ECPAS: variants seen among roughly 807,000 people sequenced by gnomAD.
The protein encoded by ECPAS is proteasome adapter and scaffold protein ECM29.
ECPAS carries 70 observed loss-of-function variants against 255.1 expected under a neutral mutation model. That is an observed-to-expected ratio of 0.27 (90% CI 0.23 to 0.33). The LOEUF (loss-of-function observed/expected upper bound fraction) is 0.33, where lower values mean the gene tolerates loss of function less well. Among genes scored for constraint, ECPAS ranks in the 10% least tolerant of loss-of-function variants. The pLI is 1.00. For synonymous variants in ECPAS, 784 were observed against 775.0 expected, an observed-to-expected ratio of 1.01 and a Z score of -0.19; for missense variants, 1,817 against 2,206.4, an observed-to-expected ratio of 0.82 and a Z score of 3.54.
chr9:111,404,162 AC>A lies in ECPAS; in HGVS notation c.2652+4408del, dbSNP rs1318986103. 1.3e-5 allele frequency among the ~76,000 whole-genome samples: 2 copies of A among 150,002 alleles called. 1 individual carries two copies. The highest frequency in any genetic ancestry group is 4.0e-4 in the East Asian group (2 of 4,998). On this transcript the variant is annotated intron_variant, in intron 24 of 49. Coordinates refer to ENST00000684092, the MANE Select transcript of ECPAS (RefSeq NM_001364929.1). ...ATAAAAGTACAAAGTACAGAAAAGT[AC>A]AAAGACTTCAAATAAACAACATAAT...
At chr9:111,367,561 C>G (rs1564493787) in intron 46 of ECPAS, among the ~76,000 whole-genome samples, 1 of 152,120 alleles carries the variant, frequency 6.6e-6, no homozygotes, top group East Asian at 1.9e-4. Context: ...TATTAGTGGA[C>G]TTCCATGGCA....
chr9:111,482,685 G>C (rs375933875), intron 1 of ECPAS, among the ~76,000 whole-genome samples: 12 of 152,110 alleles, frequency 7.9e-5, no homozygotes, highest in Non-Finnish European at 1.3e-4. Flanking sequence ...AAACCCTTGG[G>C]GGGGAGAACA....
chr9:111,410,372 G>C (rs2098192095), intron 22 of ECPAS, among the ~76,000 whole-genome samples, 159 bp from the exon 23 acceptor site: 1 of 152,052 alleles, frequency 6.6e-6, no homozygotes, highest in Non-Finnish European at 1.5e-5. Flanking sequence ...TCAGTGGAAA[G>C]ACAACATGGT....
At chr9:111,476,245 A>G (rs2098296122) in intron 1 of ECPAS, among the ~76,000 whole-genome samples, 1 of 152,172 alleles carries the variant, frequency 6.6e-6, no homozygotes, top group African/African-American at 2.4e-5. Context: ...GAAACCACTA[A>G]ACAGCTGACC....
chr9:111,455,612 G>C lies in ECPAS; in HGVS notation c.23-4057C>G, dbSNP rs747260259. On this transcript the variant is annotated intron_variant, in intron 2 of 49. Coordinates refer to ENST00000684092, the MANE Select transcript of ECPAS (RefSeq NM_001364929.1). ...CTGCTAAGAGTGGTTCATTGTGCCTGTCTGTGCAAATAATATTGTTTATGC... is the reference window on the plus strand; with the variant it reads ...CTGCTAAGAGTGGTTCATTGTGCCTCTCTGTGCAAATAATATTGTTTATGC... 3.3e-5 allele frequency among the ~76,000 whole-genome samples: 5 copies of C among 152,244 alleles called. No individual in the cohort carries two copies. The East Asian group carries it at 9.6e-4, about 29-fold the overall frequency.
chr9:111,444,641 G>A (rs2098250409), intron 3 of ECPAS, 147 bp from the exon 4 acceptor site: 9 of 620,052 alleles, frequency 1.5e-5, no homozygotes, highest in Non-Finnish European at 2.3e-5. Flanking sequence ...TCCCAGAAAG[G>A]GAGTATACAC....
At chr9:111,389,930 G>C in intron 30 of ECPAS, 54 bp downstream of exon 30, 1 of 1,298,562 alleles carries the variant, frequency 7.7e-7, no homozygotes, top group Non-Finnish European at 1.1e-6. Flanking sequence ...TGCCAATGTA[G>C]CATGTTTGGT....
chr9:111,383,258 A>C lies in ECPAS; in HGVS notation c.3756T>G (p.Leu1252=). 6.2e-7 allele frequency: 1 copy of C among 1,613,806 alleles called. No individual in the cohort carries two copies. The highest frequency in any genetic ancestry group is 8.5e-7 in the Non-Finnish European group (1 of 1,179,822). Residue 1252 remains leucine, a synonymous_variant, in exon 35 of 50, where the codon CTT becomes CTG. Transcript: ENST00000684092. ...CGGTGCTCATCATTCCTTTGTCCAG[A>C]AGGCAAGGCAGAAGGGCAGCGATGG... ...QRTIAALLPC[L]LDKGMMSTVT...
chr9:111,370,402 A>G, intron 45 of ECPAS, 33 bp downstream of exon 45: 1 of 1,413,732 alleles, frequency 7.1e-7, no homozygotes, highest in Non-Finnish European at 9.6e-7. Context: ...TTTTTAAAGT[A>G]TAAACCAGAA....
intron 32 of ECPAS, among the ~76,000 whole-genome samples, 173 bp downstream of exon 32, chr9:111,386,204 T>G (rs988644209): frequency 6.6e-6 from 1 of 152,218 alleles, no homozygotes; most frequent in Non-Finnish European, 1.5e-5. Flanking sequence ...CCTCAGGTGA[T>G]CCACCCACCT....
At chr9:111,376,803 C>T (rs1329677826) in intron 36 of ECPAS, among the ~76,000 whole-genome samples, 1 of 152,196 alleles carries the variant, frequency 6.6e-6, no homozygotes, top group African/African-American at 2.4e-5. Context: ...CTGGGCAAGT[C>T]ATCCAGCCTT....
intron 24 of ECPAS, among the ~76,000 whole-genome samples, chr9:111,407,924 C>T (rs60564600): frequency 0.12 from 18,775 of 152,116 alleles, 1,410 homozygotes; most frequent in East Asian, 0.33. Context: ...AGAAAAAGAA[C>T]AAGAGACATG....
intron 2 of ECPAS, among the ~76,000 whole-genome samples, chr9:111,454,900 TCTGGTCTTGAATTC>T (rs991078985): frequency 1.6e-4 from 24 of 151,950 alleles, no homozygotes; most frequent in African/African-American, 4.8e-4. Flanking sequence ...GACAGAGGTC[TCTGGTCTTGAATTC>T]CTGGTCTTGA....
intron 2 of ECPAS, among the ~76,000 whole-genome samples, chr9:111,469,517 G>C (rs986445669): frequency 6.6e-6 from 1 of 151,386 alleles, no homozygotes; most frequent in African/African-American, 2.4e-5. Flanking sequence ...GCGACAGTAC[G>C]AGACTCCGTC....
At chr9:111,407,413 A>AAAAAAAAAAAAAAAAAAAAAAAAAAC in intron 24 of ECPAS, among the ~76,000 whole-genome samples, 1 of 117,688 alleles carries the variant, frequency 8.5e-6, no homozygotes, top group Non-Finnish European at 1.7e-5. Context: ...GAAAAAAAAA[A>AAAAAAAAAAAAAAAAAAAAAAAAAAC]AAAAAAAAAA....
rs1232403591 is a variant in ECPAS at position 111,366,304 on chromosome 9, T to C, written c.5243A>G (p.His1748Arg). 24 of 1,576,844 alleles carry C rather than the reference T, an allele frequency of 1.5e-5. No homozygotes were observed. The highest frequency in any genetic ancestry group is 2.1e-5 in the Non-Finnish European group (24 of 1,159,764). The stretch of plus-strand genomic sequence containing the variant: ...TTCAGCCAAAGCCTCAGGATCGGCA[T>C]GTTCTTCTTCCAAAAGCATTAACCT... ...FQGLMLLEEE[H>R]ADPEALAEIL... is the part of the protein sequence containing the mutation. Residue 1748 changes from histidine to arginine, a missense_variant, in exon 48 of 50, where the codon CAT becomes CGT. This residue lies in a region of ECPAS where 960 missense variants were observed against 1,179.0 expected (regional missense o/e 0.81). Coordinates refer to ENST00000684092, the MANE Select transcript of ECPAS (RefSeq NM_001364929.1).
At chr9:111,453,822 C>T (rs899001772) in intron 2 of ECPAS, among the ~76,000 whole-genome samples, 2 of 151,920 alleles carry the variant, frequency 1.3e-5, no homozygotes, top group Non-Finnish European at 2.9e-5. Flanking sequence ...CTGCTCAGGA[C>T]GTTCAAGATC....
At chr9:111,424,944 CG>C (rs1468828962) in intron 12 of ECPAS, among the ~76,000 whole-genome samples, 1 of 151,928 alleles carries the variant, frequency 6.6e-6, no homozygotes, top group Non-Finnish European at 1.5e-5. Context: ...CCGAGGCAGG[CG>C]GATCACCTGA....
chr9:111,475,890 T>G (rs2098295638), intron 1 of ECPAS, among the ~76,000 whole-genome samples: 1 of 152,362 alleles, frequency 6.6e-6, no homozygotes, highest in South Asian at 2.1e-4. Context: ...TTGGCCTTTC[T>G]ACAAAGATCA....
Sources: allele counts gnomAD v4.1 joint callset (sites outside exome capture counted in the v4.1 genomes callset), GRCh38; gene constraint gnomAD v4.1.1; regional missense constraint gnomAD v4.1.1; transcripts MANE v1.5; gene names NCBI Gene and HGNC (gene_info 2026-07-23, HGNC 2026-07-21).